Variants in PHKB observed in about 807,000 individuals in gnomAD.
PHKB encodes phosphorylase b kinase regulatory subunit beta.
PHKB carries 122 observed loss-of-function variants against 152.1 expected under a neutral mutation model. The ratio of observed to expected loss-of-function variants is 0.80; its 90% CI spans 0.69 to 0.93. The LOEUF is 0.93. PHKB is among the 40% of genes least tolerant of loss of function. The pLI, the probability that PHKB is intolerant of heterozygous loss-of-function variation, is 0.00. For synonymous variants in PHKB, 436 were observed against 464.9 expected (o/e 0.94, Z 0.80); for missense variants, 1,304 against 1,328.4 (o/e 0.98, Z 0.29).
At chr16:47,665,331 TA>T (rs536001734) in intron 25 of PHKB, 5,979 of 204,950 alleles carry the variant, frequency 0.029, 1 homozygote, top group South Asian at 0.065. Context: ...TGCTGTACTT[TA>T]AAAAAAAAAA....
chr16:47,566,528 T>A, intron 7 of PHKB: 1 of 1,601,518 alleles, frequency 6.2e-7, no homozygotes, highest in Non-Finnish European at 8.5e-7. Flanking sequence ...GTAAAAGCAC[T>A]GCACTGATAT....
chr16:47,487,130 C>A (rs1970062530), intron 1 of PHKB, among the ~76,000 whole-genome samples: 1 of 152,098 alleles, frequency 6.6e-6, no homozygotes, highest in Non-Finnish European at 1.5e-5. Context: ...TCTGCTAGAA[C>A]CCAAAACCCA....
intron 1 of PHKB, among the ~76,000 whole-genome samples, chr16:47,468,568 G>A (rs545568303): frequency 5.3e-4 from 80 of 152,336 alleles, no homozygotes; most frequent in African/African-American, 1.7e-3. Context: ...CAGAAGAATC[G>A]CTTGAACCCA....
At chr16:47,544,268 A>T (rs552052274) in intron 6 of PHKB, among the ~76,000 whole-genome samples, 1 of 152,310 alleles carries the variant, frequency 6.6e-6, no homozygotes, top group East Asian at 1.9e-4. Flanking sequence ...AGTGTGTCCC[A>T]GAGATTCTGT....
intron 18 of PHKB, 89 bp downstream of exon 18, chr16:47,649,293 C>T (rs1973192584): frequency 1.3e-6 from 1 of 795,834 alleles, no homozygotes; most frequent in East Asian, 2.5e-5. Context: ...TCCCAGGTAT[C>T]TGTGACACTG....
intron 1 of PHKB, among the ~76,000 whole-genome samples, chr16:47,483,694 C>T (rs1435577300): frequency 6.6e-6 from 1 of 152,104 alleles, no homozygotes; most frequent in Non-Finnish European, 1.5e-5. Context: ...TAGAATAGAA[C>T]ACACTCAATA....
intron 9 of PHKB, among the ~76,000 whole-genome samples, chr16:47,588,013 G>C (rs965605772): frequency 2.6e-5 from 4 of 152,026 alleles, no homozygotes; most frequent in African/African-American, 7.2e-5. Flanking sequence ...TTTTCTTTTG[G>C]GGGAGTAGCA....
intron 14 of PHKB, among the ~76,000 whole-genome samples, chr16:47,623,742 G>A (rs1196241367): frequency 6.6e-6 from 1 of 151,830 alleles, no homozygotes; most frequent in East Asian, 1.9e-4. Flanking sequence ...ATTTTTAATA[G>A]AGATGGAGTT....
chr16:47,634,450 T>C (rs1468446917), intron 14 of PHKB, among the ~76,000 whole-genome samples: 6 of 152,302 alleles, frequency 3.9e-5, no homozygotes, highest in Admixed American at 3.9e-4. Context: ...TCAAGTTCCC[T>C]GCCCTCAGGG....
chr16:47,689,120 C>T lies in PHKB; in HGVS notation c.2710C>T (p.Pro904Ser), dbSNP rs1400548271. ...AGCCTTGGACTTGTATCAGCTGTCA[C>T]CTAGTGAAGTTAAACAGCTTCTGCT... Reference protein sequence around the residue: ...KPALDLYQLSPSEVKQLLLDI... With the variant: ...KPALDLYQLSSSEVKQLLLDI... Residue 904 changes from proline to serine, a missense_variant, in exon 27 of 31, where the codon CCT becomes TCT. Physicochemically the swap from Pro to Ser is moderately conservative, Grantham distance 74. Transcript: ENST00000323584. 8 of 1,613,842 alleles carry T rather than the reference C, an allele frequency of 5.0e-6. No individual in the cohort carries two copies. The highest frequency in any genetic ancestry group is 1.7e-5 in the Admixed American group (1 of 59,998).
intron 7 of PHKB, among the ~76,000 whole-genome samples, chr16:47,578,483 G>T (rs1164779522): frequency 1.3e-5 from 2 of 152,090 alleles, no homozygotes; most frequent in African/African-American, 4.8e-5. Context: ...GTAGAAGAAG[G>T]GGTGAGGGCA....
intron 16 of PHKB, 29 bp downstream of exon 16, chr16:47,641,721 A>G (rs1230186426): frequency 5.8e-6 from 7 of 1,196,618 alleles, no homozygotes; most frequent in African/African-American, 4.5e-5. Flanking sequence ...TACTTTCCTT[A>G]CTTTGTAGAG....
At chr16:47,692,007 A>G (rs954121479) in intron 27 of PHKB, among the ~76,000 whole-genome samples, 2 of 152,220 alleles carry the variant, frequency 1.3e-5, no homozygotes, top group Admixed American at 6.5e-5. Flanking sequence ...TGGGGTATCC[A>G]GTTATCTAAA....
At chr16:47,471,929 G>A (rs377074168) in intron 1 of PHKB, among the ~76,000 whole-genome samples, 44 of 152,204 alleles carry the variant, frequency 2.9e-4, no homozygotes, top group East Asian at 9.7e-4. Flanking sequence ...GGTGGCGGGC[G>A]CCTGTAGTCC....
chr16:47,535,230 A>T (rs895141651), intron 6 of PHKB, among the ~76,000 whole-genome samples: 1 of 152,250 alleles, frequency 6.6e-6, no homozygotes, highest in Admixed American at 6.5e-5. Context: ...CTTGGGGAAG[A>T]GAAATCCTGA....
At chr16:47,554,570 A>C (rs1971334130) in intron 7 of PHKB, among the ~76,000 whole-genome samples, 1 of 150,056 alleles carries the variant, frequency 6.7e-6, no homozygotes, top group Non-Finnish European at 1.5e-5. Flanking sequence ...TGTATGAAAA[A>C]AATCTCCTGC....
chr16:47,553,363 G>A (rs915502985), intron 7 of PHKB, among the ~76,000 whole-genome samples: 8 of 151,908 alleles, frequency 5.3e-5, no homozygotes, highest in African/African-American at 9.7e-5. Context: ...TGAAGTTCTC[G>A]TACTGTGTTT....
chr16:47,599,825 C>CTT (rs1249207621), intron 13 of PHKB, among the ~76,000 whole-genome samples: 1 of 152,226 alleles, frequency 6.6e-6, no homozygotes, highest in Non-Finnish European at 1.5e-5. Context: ...ATCTGGTTAA[C>CTT]AACCCACTGG....
intron 3 of PHKB, among the ~76,000 whole-genome samples, chr16:47,502,333 T>C (rs1306884287): frequency 6.6e-6 from 1 of 152,210 alleles, no homozygotes; most frequent in African/African-American, 2.4e-5. Flanking sequence ...GTATTTAGGT[T>C]AATCTAACTA....
Sources: gnomAD v4.1 joint callset for allele counts (sites outside exome capture counted in the v4.1 genomes callset) on GRCh38, gnomAD v4.1.1 for gene constraint, MANE v1.5 for transcripts, NCBI Gene and HGNC (gene_info 2026-07-23, HGNC 2026-07-21) for gene names.